The following SGK1 variants were observed in gnomAD, a reference collection of about 807,000 sequenced individuals.
The protein encoded by SGK1 is serum/glucocorticoid regulated kinase 1, also known as serine/threonine-protein kinase Sgk1.
A neutral mutation model predicts 64.2 loss-of-function variants in SGK1; 26 were observed. That is an observed-to-expected ratio of 0.40 (90% CI 0.30 to 0.56). The LOEUF is 0.56. SGK1 is among the 20% of genes least tolerant of loss of function. The pLI is 0.38. For missense variants in SGK1, 519 were observed against 645.6 expected, an observed-to-expected ratio of 0.80 and a Z score of 2.12; for synonymous variants, 265 against 239.7, an observed-to-expected ratio of 1.11 and a Z score of -0.98.
chr6:134,232,418 A>AGAAAGAAAGAAG (rs1776296662), intron 2 of SGK1, among the ~76,000 whole-genome samples: 1 of 22,504 alleles, frequency 4.4e-5, no homozygotes, highest in Non-Finnish European at 9.7e-5. Context: ...AGAAAGAGAA[A>AGAAAGAAAGAAG]GAAAGAAAGA....
At chr6:134,263,715 C>A (rs1197208391) in intron 1 of SGK1, among the ~76,000 whole-genome samples, 1 of 152,056 alleles carries the variant, frequency 6.6e-6, no homozygotes, top group Admixed American at 6.6e-5. Context: ...TACAGCATTT[C>A]AAAAATCAAG....
rs572802400 is a variant in SGK1 at position 134,169,387 on chromosome 6, T to A, written c.*881A>T. ...AGTACATTAAAATGGTGGTTTACAT[T>A]ACAAATAAGCCTGTAAGTTTAAATA... On this transcript the variant is annotated 3_prime_UTR_variant, in exon 14 of 14. Coordinates refer to ENST00000367858, the MANE Select transcript of SGK1 (RefSeq NM_001143676.3). 1.3e-5 allele frequency: 2 copies of A among 152,684 alleles called. No homozygotes were observed. Among genetic ancestry groups the A allele is most frequent in the East Asian group, 3.9e-4 (2 of 5,190 alleles). 9.5% of individuals were successfully genotyped at this position (152,684 alleles called of 1,614,324 possible).
At chr6:134,287,318 T>G (rs1298693844) in intron 1 of SGK1, among the ~76,000 whole-genome samples, 1 of 152,178 alleles carries the variant, frequency 6.6e-6, no homozygotes, top group African/African-American at 2.4e-5. Context: ...AAAATTATGT[T>G]GGCAAGTAGA....
chr6:134,282,928 G>A (rs1038681200), intron 1 of SGK1, among the ~76,000 whole-genome samples: 13 of 151,714 alleles, frequency 8.6e-5, no homozygotes, highest in Non-Finnish European at 1.5e-5. Context: ...GATCACACTA[G>A]AAAGATAGAG....
At chr6:134,271,979 C>T (rs1776945996) in intron 1 of SGK1, among the ~76,000 whole-genome samples, 1 of 145,482 alleles carries the variant, frequency 6.9e-6, no homozygotes, top group Non-Finnish European at 1.5e-5. Flanking sequence ...GTAACTAGGA[C>T]TACAGGCACA....
chr6:134,256,088 C>CTTTTTTTTTTTTTTTT (rs68106923), intron 2 of SGK1, among the ~76,000 whole-genome samples: 1 of 139,244 alleles, frequency 7.2e-6, no homozygotes, highest in Admixed American at 7.2e-5. Context: ...GTCCTTTTTC[C>CTTTTTTTTTTTTTTTT]TTTTTTTTTT....
chr6:134,294,999 G>A (rs968123502), intron 1 of SGK1, among the ~76,000 whole-genome samples: 6 of 152,142 alleles, frequency 3.9e-5, no homozygotes, highest in South Asian at 2.1e-4. Flanking sequence ...CTGGTAAAAC[G>A]ATTGTGGTTT....
intron 1 of SGK1, among the ~76,000 whole-genome samples, chr6:134,308,510 G>T (rs1777567127): frequency 1.3e-5 from 2 of 152,074 alleles, no homozygotes; most frequent in Non-Finnish European, 2.9e-5. Flanking sequence ...TAAGCCACTG[G>T]GTTAGAACGA....
intron 1 of SGK1, among the ~76,000 whole-genome samples, chr6:134,268,336 T>G (rs1428309843): frequency 6.6e-6 from 1 of 152,152 alleles, no homozygotes; most frequent in African/African-American, 2.4e-5. Context: ...CTGGGCCACC[T>G]GGGCCCTAGT....
chr6:134,221,647 A>G (rs1776092023), intron 2 of SGK1, among the ~76,000 whole-genome samples: 1 of 151,458 alleles, frequency 6.6e-6, no homozygotes, highest in Admixed American at 6.6e-5. Context: ...TGCTTGGCAC[A>G]TATAATTTTT....
At chr6:134,206,369 ATATATATATATATATTTTTTTTTT>A (rs1384641937) in intron 3 of SGK1, among the ~76,000 whole-genome samples, 3 of 7,484 alleles carry the variant, frequency 4.0e-4, no homozygotes, top group African/African-American at 8.0e-4. Context: ...ATATATATAT[ATATATATATATATATTTTTTTTTT>A]TTTTTTTTTT....
At chr6:134,172,050 C>T (rs1025133009) in intron 10 of SGK1, 143 bp downstream of exon 10, 1 of 956,682 alleles carries the variant, frequency 1.0e-6, no homozygotes, top group Non-Finnish European at 1.6e-6. Flanking sequence ...CTACATCAAA[C>T]AGCAAATGTA....
chr6:134,214,150 G>A (rs940573820), intron 2 of SGK1, among the ~76,000 whole-genome samples: 1 of 151,518 alleles, frequency 6.6e-6, no homozygotes, highest in Admixed American at 6.6e-5. Context: ...CAAACTCCCA[G>A]CTTCAAGCAA....
intron 2 of SGK1, among the ~76,000 whole-genome samples, chr6:134,254,045 C>T: frequency 6.7e-6 from 1 of 149,604 alleles, no homozygotes; most frequent in East Asian, 2.0e-4. Flanking sequence ...CTGGAATGTG[C>T]GTGATTTACA....
At chr6:134,290,441 C>A (rs9483674) in intron 1 of SGK1, among the ~76,000 whole-genome samples, 36,397 of 135,212 alleles carry the variant, frequency 0.27, 4,537 homozygotes, top group East Asian at 0.34. Flanking sequence ...AAAAAAAAAA[C>A]AAAGACAAAT....
chr6:134,201,393 G>C (rs533639642), intron 3 of SGK1, among the ~76,000 whole-genome samples: 6 of 144,174 alleles, frequency 4.2e-5, no homozygotes, highest in African/African-American at 1.6e-4. Flanking sequence ...ATAGAGTCTC[G>C]CTCTGTTGCC....
chr6:134,204,624 G>C (rs1234471174), intron 3 of SGK1, among the ~76,000 whole-genome samples: 1 of 150,538 alleles, frequency 6.6e-6, no homozygotes, highest in African/African-American at 2.4e-5. Flanking sequence ...CACAATCTTG[G>C]CTTACTGCAA....
intron 2 of SGK1, among the ~76,000 whole-genome samples, chr6:134,232,491 A>AAGAG (rs1776305774): frequency 5.6e-5 from 8 of 143,438 alleles, no homozygotes; most frequent in Admixed American, 1.4e-4. Flanking sequence ...AAGAGAAAGA[A>AAGAG]AAAGAAAAGA....
intron 3 of SGK1, among the ~76,000 whole-genome samples, chr6:134,206,781 C>T (rs955484718): frequency 4.1e-5 from 6 of 147,906 alleles, no homozygotes; most frequent in Non-Finnish European, 6.0e-5. Flanking sequence ...GCAGGAGAAT[C>T]GCTTGAACCC....
Sources: gnomAD v4.1 joint callset for allele counts (sites outside exome capture counted in the v4.1 genomes callset) on GRCh38, gnomAD v4.1.1 for gene constraint, MANE v1.5 for transcripts, NCBI Gene and HGNC (gene_info 2026-07-23, HGNC 2026-07-21) for gene names.